SCEL: variants seen among roughly 807,000 people sequenced by gnomAD.
SCEL encodes sciellin.
A neutral mutation model predicts 117.6 loss-of-function variants in SCEL; 113 were observed. The observed-to-expected ratio is 0.96, with a 90% CI of 0.83 to 1.12. The LOEUF is 1.12. Ranked by LOEUF, SCEL falls within the 50% of genes most tolerant of loss-of-function variation. The probability of loss-of-function intolerance (pLI) is 0.00; values close to 1 mark genes in which losing one functional copy is unlikely to be tolerated. For missense variants in SCEL, 785 were observed against 810.8 expected, an observed-to-expected ratio of 0.97 and a Z score of 0.39; for synonymous variants, 270 against 256.2, an observed-to-expected ratio of 1.05 and a Z score of -0.51.
rs151037112 is a variant in SCEL at position 77,603,753 on chromosome 13, G to A, written c.1098-603G>A. ...AGTGAATCATTAATTTTTCTACTAC[G>A]TGAGCTGTTTTTTCTTGCCCTTTTT... On this transcript the variant is annotated intron_variant, in intron 18 of 32. Transcript: ENST00000349847. Among the ~76,000 whole-genome samples, 98 of 152,220 alleles carry A rather than the reference G, an allele frequency of 6.4e-4. 2 individuals carry two copies. The highest frequency in any genetic ancestry group is 5.8e-3 in the Admixed American group (89 of 15,288).
chr13:77,584,157 G>T (rs1227393488), intron 9 of SCEL, among the ~76,000 whole-genome samples: 1 of 152,160 alleles, frequency 6.6e-6, no homozygotes, highest in Non-Finnish European at 1.5e-5. Context: ...TCCAATGAAT[G>T]TCTCTTGTTT....
At chr13:77,539,274 A>T (rs913285829) in intron 1 of SCEL, among the ~76,000 whole-genome samples, 2 of 150,670 alleles carry the variant, frequency 1.3e-5, no homozygotes, top group African/African-American at 4.8e-5. Context: ...TATTATATAC[A>T]TATTTTATAA....
At chr13:77,581,218 C>A (rs1435377863) in intron 9 of SCEL, among the ~76,000 whole-genome samples, 2 of 152,126 alleles carry the variant, frequency 1.3e-5, no homozygotes, top group African/African-American at 4.8e-5. Context: ...ATTTAAAAAT[C>A]TTACCTGAAT....
chr13:77,572,332 T>C (rs1458379974), intron 9 of SCEL, 143 bp downstream of exon 9: 7 of 651,808 alleles, frequency 1.1e-5, no homozygotes, highest in East Asian at 3.3e-5. Context: ...GAGTGTCCAG[T>C]GGTTGTAAGG....
intron 16 of SCEL, 37 bp downstream of exon 16, chr13:77,602,161 T>C: frequency 6.4e-7 from 1 of 1,566,812 alleles, no homozygotes; most frequent in Non-Finnish European, 8.7e-7. Flanking sequence ...GCTCTTTTTA[T>C]TCAGGTTAGC....
intron 18 of SCEL, among the ~76,000 whole-genome samples, chr13:77,603,731 G>C (rs1324765121): frequency 6.6e-6 from 1 of 152,122 alleles, no homozygotes; most frequent in Non-Finnish European, 1.5e-5. Context: ...CCTGGGGAGT[G>C]AATCATTAAT....
chr13:77,604,039 A>G (rs556276549), intron 18 of SCEL, among the ~76,000 whole-genome samples: 2 of 152,178 alleles, frequency 1.3e-5, no homozygotes, highest in South Asian at 4.2e-4. Context: ...TTGTTATTTC[A>G]ATGCTGCCTG....
intron 18 of SCEL, among the ~76,000 whole-genome samples, chr13:77,603,730 T>A (rs2087898041): frequency 6.6e-6 from 1 of 152,126 alleles, no homozygotes; most frequent in African/African-American, 2.4e-5. Context: ...CCCTGGGGAG[T>A]GAATCATTAA....
chr13:77,572,169 G>T lies in SCEL; in HGVS notation c.525G>T (p.Ser175=). 1 of 1,611,530 alleles carries T rather than the reference G, an allele frequency of 6.2e-7. No individual in the cohort carries two copies. Among genetic ancestry groups the T allele is most frequent in the South Asian group, 1.1e-5 (1 of 90,594 alleles). The change falls in exon 9 of 33, where the codon TCG becomes TCT. Residue 175 remains serine (S), a synonymous_variant. Coordinates refer to ENST00000349847, the MANE Select transcript of SCEL (RefSeq NM_144777.3). ...PPPPPGYNAS[S]STGTRRREPG... is the part of the protein sequence containing the mutation. The stretch of plus-strand genomic sequence containing the variant: ...CCCCTCCAGGTTACAATGCCTCCTC[G>T]AGCACAGGAACCAGGAGACGGTAAG...
At chr13:77,628,075 C>A in intron 28 of SCEL, 66 bp downstream of exon 28, 1 of 447,088 alleles carries the variant, frequency 2.2e-6, no homozygotes, top group Non-Finnish European at 3.8e-6. Context: ...TATTGTATAG[C>A]CTTAGAAGAT....
chr13:77,625,280 C>T (rs1021469350), intron 27 of SCEL, among the ~76,000 whole-genome samples: 3 of 152,042 alleles, frequency 2.0e-5, no homozygotes, highest in Admixed American at 6.6e-5. Flanking sequence ...TCTTAATGGC[C>T]AAGGTTGTTA....
chr13:77,578,185 G>A (rs1426096688), intron 9 of SCEL, among the ~76,000 whole-genome samples: 2 of 152,104 alleles, frequency 1.3e-5, no homozygotes. Context: ...TTAGGGTGCT[G>A]ATGGAGAAAA....
chr13:77,638,601 T>C (rs1345314067), intron 30 of SCEL, among the ~76,000 whole-genome samples: 1 of 152,204 alleles, frequency 6.6e-6, no homozygotes, highest in African/African-American at 2.4e-5. Context: ...CAGAAGTCAG[T>C]TCTCCATGAG....
rs1181272894 is a variant in SCEL at position 77,644,296 on chromosome 13, A to G, written c.*22A>G. On this transcript the variant is annotated 3_prime_UTR_variant, in exon 33 of 33. Transcript: ENST00000349847. ...ATAACTCTGGCACAAGGAAATCAAG[A>G]TGAAAAGCACTCATTAAGGAATTAA... The G allele has an allele frequency of 1.9e-6, 3 of 1,612,266 alleles. No homozygotes were observed. Among genetic ancestry groups the G allele is most frequent in the East Asian group, 4.5e-5 (2 of 44,834 alleles).
In SCEL at chr13:77,599,467, G is replaced by A. The variant is rs939223732; in HGVS notation, c.857+79G>A. The A allele has an allele frequency of 4.1e-6, 5 of 1,225,530 alleles. No individual in the cohort carries two copies. In the South Asian group the frequency reaches 6.5e-5, roughly 16 times the overall value. The allele number at this position is 1,225,530 out of a possible 1,614,324, so 75.9% of individuals were successfully genotyped here. A position where few individuals can be genotyped will look rare whatever the true frequency, so the allele number is the denominator to read the frequency against. ...ATTCCCTCAGACATTAGCTGCAAGGGGGTTGTATCCTCTGGCATGGAAATG... is the reference window on the plus strand; with the variant it reads ...ATTCCCTCAGACATTAGCTGCAAGGAGGTTGTATCCTCTGGCATGGAAATG... On this transcript the variant is annotated intron_variant, in intron 14 of 32. Transcript: ENST00000349847.
chr13:77,622,342 A>G (rs896235936), intron 27 of SCEL, among the ~76,000 whole-genome samples: 12 of 152,238 alleles, frequency 7.9e-5, no homozygotes, highest in African/African-American at 2.4e-4. Flanking sequence ...AGTTTCTCAT[A>G]TGCAGAGCTT....
intron 5 of SCEL, among the ~76,000 whole-genome samples, chr13:77,567,378 C>A (rs1008666547): frequency 6.6e-6 from 1 of 152,164 alleles, no homozygotes; most frequent in Non-Finnish European, 1.5e-5. Flanking sequence ...AGCTTGAACC[C>A]TGCGGGCAGA....
intron 1 of SCEL, among the ~76,000 whole-genome samples, chr13:77,554,241 C>T (rs929748121): frequency 6.6e-6 from 1 of 152,154 alleles, no homozygotes; most frequent in African/African-American, 2.4e-5. Flanking sequence ...AGGCAAGGGA[C>T]TGACCTTTTT....
intron 15 of SCEL, 123 bp downstream of exon 15, chr13:77,599,871 C>T (rs967825035): frequency 2.8e-6 from 2 of 710,000 alleles, no homozygotes; most frequent in Non-Finnish European, 5.1e-6. Context: ...AGACTGGGGT[C>T]CAGGGATAGT....
Sources: gnomAD v4.1 joint callset for allele counts (sites outside exome capture counted in the v4.1 genomes callset) on GRCh38, gnomAD v4.1.1 for gene constraint, MANE v1.5 for transcripts, NCBI Gene and HGNC (gene_info 2026-07-23, HGNC 2026-07-21) for gene names.